FAM171B: variants seen among roughly 807,000 people sequenced by gnomAD.
The protein encoded by FAM171B is protein FAM171B.
In FAM171B, 19 loss-of-function variants were observed where a neutral mutation model predicts 75.6. The ratio of observed to expected loss-of-function variants is 0.25; its 90% confidence interval spans 0.18 to 0.37. The LOEUF (loss-of-function observed/expected upper bound fraction) is 0.37. FAM171B is among the 10% of genes least tolerant of loss of function. The pLI is 1.00. For synonymous variants in FAM171B, 367 were observed against 361.7 expected, an observed-to-expected ratio of 1.01 and a Z score of -0.17; for missense variants, 848 against 982.4, an observed-to-expected ratio of 0.86 and a Z score of 1.83.
At chr2:186,695,573 G>A (rs1689567552) in intron 1 of FAM171B, among the ~76,000 whole-genome samples, 1 of 152,158 alleles carries the variant, frequency 6.6e-6, no homozygotes, top group Admixed American at 6.5e-5. Flanking sequence ...GCAGTACACA[G>A]GCATGCCAGC....
chr2:186,712,428 C>T (rs940842924), intron 1 of FAM171B, among the ~76,000 whole-genome samples: 2 of 152,082 alleles, frequency 1.3e-5, no homozygotes, highest in African/African-American at 4.8e-5. Flanking sequence ...TGTCCTCATG[C>T]CTCTCACAGT....
intron 6 of FAM171B, among the ~76,000 whole-genome samples, chr2:186,754,467 C>G (rs914721166): frequency 1.3e-5 from 2 of 152,170 alleles, no homozygotes; most frequent in African/African-American, 4.8e-5. Flanking sequence ...GGCAGGACTC[C>G]TTGCCGTGCC....
In FAM171B at chr2:186,761,922, T is replaced by C; in HGVS notation, c.1580T>C (p.Ile527Thr). The change falls in exon 8 of 8, where the codon ATT becomes ACT. Residue 527 changes from isoleucine (I) to threonine (T), a missense_variant. Ile to Thr is a moderately conservative substitution (Grantham distance 89). This residue lies in a region of FAM171B where 665 missense variants were observed against 729.0 expected (regional missense o/e 0.91). Transcript: ENST00000304698. ...GAGGAGGCGTATGGGCGTTCCCATA[T>C]TCCTGAACAGCTTATGCATATTTAC... ...GNEEAYGRSH[I>T]PEQLMHIYSQ... is the part of the protein sequence containing the mutation. The C allele has an allele frequency of 6.2e-7, 1 of 1,613,300 alleles. No homozygotes were observed. The highest frequency in any genetic ancestry group is 8.5e-7 in the Non-Finnish European group (1 of 1,179,692).
intron 1 of FAM171B, among the ~76,000 whole-genome samples, chr2:186,700,725 T>C (rs561377381): frequency 4.6e-5 from 7 of 152,336 alleles, no homozygotes; most frequent in African/African-American, 1.4e-4. Context: ...GAATATGTTT[T>C]CATATCTGTT....
At chr2:186,717,765 C>T (rs1215120990) in intron 1 of FAM171B, among the ~76,000 whole-genome samples, 1 of 152,136 alleles carries the variant, frequency 6.6e-6, no homozygotes, top group Non-Finnish European at 1.5e-5. Flanking sequence ...TCTTTCTGGA[C>T]TTTCCCAGTC....
chr2:186,702,391 C>G (rs1027756578), intron 1 of FAM171B, among the ~76,000 whole-genome samples: 8 of 152,042 alleles, frequency 5.3e-5, no homozygotes, highest in Non-Finnish European at 1.0e-4. Flanking sequence ...GTCTGTTGAC[C>G]AAAACATTAA....
At chr2:186,745,148 T>C (rs1182811913) in intron 3 of FAM171B, among the ~76,000 whole-genome samples, 2 of 152,168 alleles carry the variant, frequency 1.3e-5, no homozygotes, top group African/African-American at 4.8e-5. Flanking sequence ...TGATTTTTGC[T>C]GTGTATGGCA....
chr2:186,743,933 G>A (rs1690329731), intron 3 of FAM171B, among the ~76,000 whole-genome samples: 1 of 152,152 alleles, frequency 6.6e-6, no homozygotes, highest in Non-Finnish European at 1.5e-5. Context: ...TTTACAGATT[G>A]CCTCCTTCCT....
intron 1 of FAM171B, among the ~76,000 whole-genome samples, chr2:186,697,746 A>G (rs1344598021): frequency 6.6e-6 from 1 of 152,208 alleles, no homozygotes; most frequent in African/African-American, 2.4e-5. Flanking sequence ...TGACTGATAT[A>G]TGACTAAGCC....
At position 186,694,129 on chromosome 2, in the gene FAM171B, C is replaced by G. The variant is rs1159833251; in HGVS notation, c.-45C>G. On this transcript the variant is annotated 5_prime_UTR_variant, in exon 1 of 8. Coordinates refer to ENST00000304698, the MANE Select transcript of FAM171B (RefSeq NM_177454.4). ...CCCGCAGCCCTGGCGCCCGCCGCCG[C>G]CCGGAGCCCCGCAATATGCCGCCGC... 1 of 1,457,856 alleles carries G rather than the reference C, an allele frequency of 6.9e-7. No homozygotes were observed. Among genetic ancestry groups the G allele is most frequent in the South Asian group, 1.4e-5 (1 of 69,690 alleles). 90.3% of individuals were successfully genotyped at this position (1,457,856 alleles called of 1,614,324 possible). A position where few individuals can be genotyped will look rare whatever the true frequency, so the allele number is the denominator to read the frequency against.
intron 1 of FAM171B, among the ~76,000 whole-genome samples, chr2:186,714,036 C>T (rs148409392): frequency 6.6e-6 from 1 of 152,094 alleles, no homozygotes; most frequent in South Asian, 2.1e-4. Context: ...TTTTACAGCT[C>T]TCTTTTTCCT....
chr2:186,728,006 T>A (rs1690060726), intron 1 of FAM171B, among the ~76,000 whole-genome samples: 1 of 152,122 alleles, frequency 6.6e-6, no homozygotes, highest in South Asian at 2.1e-4. Flanking sequence ...CAAAGAAGCC[T>A]GATTTGGGAG....
At position 186,761,719 on chromosome 2, in the gene FAM171B, T is replaced by C; in HGVS notation, c.1377T>C (p.Asp459=). 6.2e-7 allele frequency: 1 copy of C among 1,613,114 alleles called. No individual in the cohort carries two copies. Among genetic ancestry groups the C allele is most frequent in the Admixed American group, 1.7e-5 (1 of 59,828 alleles). Residue 459 remains aspartate (D), a synonymous_variant, in exon 8 of 8, where the codon GAT becomes GAC. Coordinates refer to ENST00000304698, the MANE Select transcript of FAM171B (RefSeq NM_177454.4). ...ERVSMVKTRD[D]FKIYNEDVSF... ...TTTCCATGGTAAAAACTCGGGACGA[T>C]TTTAAAATCTACAATGAAGATGTTT...
rs148288607 is a variant in FAM171B at position 186,745,202 on chromosome 2, T to G, written c.565+1627T>G. ...TGTGTGTGAAAGAATGGAAAGTAAA[T>G]AAGAATTACAAGTATACAGAGAGGC... On this transcript the variant is annotated intron_variant, in intron 3 of 7. Coordinates refer to ENST00000304698, the MANE Select transcript of FAM171B (RefSeq NM_177454.4). Among the ~76,000 whole-genome samples, 4 of 152,260 alleles carry G rather than the reference T, an allele frequency of 2.6e-5. No individual in the cohort carries two copies. The East Asian group carries it at 7.7e-4, about 29-fold the overall frequency.
intron 6 of FAM171B, among the ~76,000 whole-genome samples, chr2:186,755,064 A>G (rs986701772): frequency 6.6e-6 from 1 of 152,146 alleles, no homozygotes. Flanking sequence ...AATTATCTAG[A>G]TAATTTGTAC....
At position 186,761,662 on chromosome 2, in the gene FAM171B, G is replaced by T. The variant is rs752495148; in HGVS notation, c.1320G>T (p.Lys440Asn). ...ACTCCTCATATAGTCCTCAGAAAAAGGAACCATCAAAGGCAGAAACAGAAG... is the reference window on the plus strand; with the variant it reads ...ACTCCTCATATAGTCCTCAGAAAAATGAACCATCAAAGGCAGAAACAGAAG... ...AKNSSYSPQK[K>N]EPSKAETEER... The change falls in exon 8 of 8, where the codon AAG becomes AAT. Residue 440 changes from lysine to asparagine, a missense_variant. By Grantham distance (94) the Lys-to-Asn change is moderately conservative (BLOSUM62 0). Around this residue, in one of 3 missense-constraint regions of FAM171B, gnomAD observed 665 missense variants for 729.0 expected, o/e 0.91. Transcript: ENST00000304698. 1 of 1,611,752 alleles carries T rather than the reference G, an allele frequency of 6.2e-7. No homozygotes were observed. Among genetic ancestry groups the T allele is most frequent in the Non-Finnish European group, 8.5e-7 (1 of 1,179,304 alleles).
intron 1 of FAM171B, among the ~76,000 whole-genome samples, chr2:186,704,882 G>A (rs761279514): frequency 1.3e-5 from 2 of 152,236 alleles, no homozygotes; most frequent in Non-Finnish European, 2.9e-5. Flanking sequence ...TAAGTCAACA[G>A]TCTGTGGAGG....
chr2:186,761,932 G>C lies in FAM171B; in HGVS notation c.1590G>C (p.Gln530His). ...EAYGRSHIPE[Q>H]LMHIYSQPIA... The stretch of plus-strand genomic sequence containing the variant: ...ATGGGCGTTCCCATATTCCTGAACA[G>C]CTTATGCATATTTACAGCCAACCCA... The change falls in exon 8 of 8, where the codon CAG (glutamine) becomes CAC (histidine). Residue 530 changes from glutamine (Q) to histidine (H), a missense_variant. By Grantham distance (24) the Gln-to-His change is conservative (BLOSUM62 0). Around this residue, in one of 3 missense-constraint regions of FAM171B, gnomAD observed 665 missense variants for 729.0 expected, o/e 0.91. Transcript: ENST00000304698. 1 of 1,613,318 alleles carries C rather than the reference G, an allele frequency of 6.2e-7. No homozygotes were observed. Among genetic ancestry groups the C allele is most frequent in the East Asian group, 2.2e-5 (1 of 44,820 alleles).
At chr2:186,738,099 T>A (rs963282502) in intron 1 of FAM171B, among the ~76,000 whole-genome samples, 9 of 152,240 alleles carry the variant, frequency 5.9e-5, no homozygotes, top group African/African-American at 2.2e-4. Context: ...CCCCAAGGGA[T>A]GTTACAGCTC....
Sources: gnomAD v4.1 joint callset for allele counts (sites outside exome capture counted in the v4.1 genomes callset) on GRCh38, gnomAD v4.1.1 for gene constraint, gnomAD v4.1.1 regional missense constraint, MANE v1.5 for transcripts, NCBI Gene and HGNC (gene_info 2026-07-23, HGNC 2026-07-21) for gene names.